Variants in HP observed in about 807,000 individuals in gnomAD.
HP encodes haptoglobin.
In HP, 9 loss-of-function variants were observed where a neutral mutation model predicts 23.2. The ratio of observed to expected loss-of-function variants is 0.39; its 90% CI spans 0.23 to 0.68. The LOEUF is 0.68. Ranked by LOEUF, HP falls within the 30% of genes least tolerant of loss-of-function variation. The pLI is 0.47. For synonymous variants in HP, 155 were observed against 183.3 expected (o/e 0.85, Z 1.25); for missense variants, 433 against 483.6 (o/e 0.90, Z 0.98).
intron 6 of HP, chr16:72,059,437 G>A: frequency 1.6e-6 from 1 of 609,100 alleles, no homozygotes; most frequent in South Asian, 2.1e-5. Context: ...GATTAGGAGA[G>A]CCTGTGCATA....
At chr16:72,059,008 TC>T in intron 5 of HP, 105 bp from the exon 6 acceptor site, 3 of 1,196,878 alleles carry the variant, frequency 2.5e-6, no homozygotes, top group East Asian at 2.4e-5. Flanking sequence ...TTCCTTTTTG[TC>T]CCCTTTTCCT....
intron 1 of HP, chr16:72,055,812 T>C: frequency 8.3e-6 from 3 of 361,130 alleles, no homozygotes; most frequent in South Asian, 6.6e-5. Context: ...AGGGCTCCTG[T>C]ATTATTGCCA....
intron 1 of HP, chr16:72,055,020 T>A: frequency 2.3e-6 from 1 of 431,064 alleles, no homozygotes; most frequent in Non-Finnish European, 4.2e-6. Flanking sequence ...GTAACACATT[T>A]GAATGACACA....
In HP at chr16:72,060,638, A is replaced by G. The variant is rs778812264; in HGVS notation, c.969A>G (p.Thr323=). 4.3e-6 allele frequency: 7 copies of G among 1,614,214 alleles called. No individual in the cohort carries two copies. In the Admixed American group the frequency reaches 8.3e-5, roughly 19 times the overall value. ...GCAGCACAGTCCCCGAAAAGAAGAC[A>G]CCGAAGAGCCCTGTAGGGGTGCAGC... ...YEGSTVPEKK[T]PKSPVGVQPI... The change falls in exon 7 of 7, where the codon ACA becomes ACG. Residue 323 remains threonine, a synonymous_variant. Transcript: ENST00000355906.
intron 1 of HP, chr16:72,054,941 C>T: frequency 5.0e-6 from 3 of 595,328 alleles, no homozygotes; most frequent in South Asian, 4.2e-5. Flanking sequence ...GGTAGGCTTC[C>T]TGGCATCCTG....
At position 72,060,983 on chromosome 16, in the gene HP, G is replaced by C. The variant is rs2041537799; in HGVS notation, c.*93G>C. 4 of 1,446,160 alleles carry C rather than the reference G, an allele frequency of 2.8e-6. No individual in the cohort carries two copies. Among genetic ancestry groups the C allele is most frequent in the Non-Finnish European group, 3.7e-6 (4 of 1,079,150 alleles). 89.6% of individuals were successfully genotyped at this position (1,446,160 alleles called of 1,614,324 possible). ...GAGTGGACAGGAGTGGATGCGATAAGATGTGGTTTGAAGCTGATGGGTGCC... is the reference window on the plus strand; with the variant it reads ...GAGTGGACAGGAGTGGATGCGATAACATGTGGTTTGAAGCTGATGGGTGCC... On this transcript the variant is annotated 3_prime_UTR_variant, in exon 7 of 7. Transcript: ENST00000355906.
In HP at chr16:72,056,153, C is replaced by G. The variant is rs78413891; in HGVS notation, c.6-8C>G. The G allele has an allele frequency of 1.4e-4, 218 of 1,613,640 alleles. No homozygotes were observed. In the African/African-American group the frequency reaches 2.7e-3, roughly 20 times the overall value. On this transcript the variant is annotated splice_polypyrimidine_tract_variant and splice_region_variant and intron_variant, in intron 1 of 6. Transcript: ENST00000355906. ...AGCTTTCCACTCCTCCTTGTCTTCT[C>G]TCTGCAGTGCCCTGGGAGCTGTCAT... is the stretch of plus-strand genomic sequence containing the variant.
intron 4 of HP, chr16:72,057,898 A>C: frequency 2.9e-6 from 1 of 346,954 alleles, no homozygotes; most frequent in East Asian, 5.5e-5. Flanking sequence ...CTCTCCTTTC[A>C]TTCTCAGAAC....
chr16:72,056,243 G>C lies in HP; in HGVS notation c.88G>C (p.Asp30His). 6.2e-7 allele frequency: 1 copy of C among 1,613,898 alleles called. No homozygotes were observed. The highest frequency in any genetic ancestry group is 8.5e-7 in the Non-Finnish European group (1 of 1,179,854). Residue 30 changes from aspartate (D) to histidine (H), a missense_variant and splice_region_variant, in exon 2 of 7, where the codon GAT becomes CAT. By Grantham distance (81) the Asp-to-His change is moderately conservative. Transcript: ENST00000355906. ...DSGNDVTDIADDGCPKPPEIA... is the reference protein window; with the variant it reads ...DSGNDVTDIAHDGCPKPPEIA... ...AGGCAATGATGTCACGGATATCGCA[G>C]GTCAGTCTTTGGTTGGGTAGGAGTG...
chr16:72,059,281 A>C (rs2041502557), intron 6 of HP, 93 bp downstream of exon 6: 2 of 1,491,098 alleles, frequency 1.3e-6, no homozygotes, highest in East Asian at 4.5e-5. Context: ...TGAGCACACA[A>C]GAGCCAGGAG....
In HP at chr16:72,057,880, C is replaced by G. The variant is rs1286830412; in HGVS notation, c.266-374C>G. The G allele has an allele frequency of 5.9e-5, 20 of 340,504 alleles. 3 individuals are homozygous for G. In the Admixed American group the frequency reaches 9.8e-4, roughly 17 times the overall value. 21.1% of individuals were successfully genotyped at this position (340,504 alleles called of 1,614,324 possible). On this transcript the variant is annotated intron_variant, in intron 4 of 6. Coordinates refer to ENST00000355906, the MANE Select transcript of HP (RefSeq NM_005143.5). ...TCCTGCTTCTCGTTATTAGGAGGAG[C>G]TGTTGCTCTCTCCTTTCATTCTCAG... is the stretch of plus-strand genomic sequence containing the variant.
In HP at chr16:72,058,438, C is replaced by T. The variant is rs369932804; in HGVS notation, c.367+83C>T. 5.5e-4 allele frequency: 208 copies of T among 377,678 alleles called. 11 individuals carry two copies. The highest frequency in any genetic ancestry group is 1.5e-3 in the South Asian group (66 of 44,114). 23.4% of individuals were successfully genotyped at this position (377,678 alleles called of 1,614,324 possible). On this transcript the variant is annotated intron_variant, in intron 5 of 6. Coordinates refer to ENST00000355906, the MANE Select transcript of HP (RefSeq NM_005143.5). ...CATGATGGGTGGTGCTGAGGTGATT[C>T]GCCAGAAAGTTCGTTGCTCTCCTTG...
At chr16:72,056,388 G>T (rs1320854747) in intron 2 of HP, 142 bp from the exon 3 acceptor site, 1 of 1,572,398 alleles carries the variant, frequency 6.4e-7, no homozygotes, top group East Asian at 2.3e-5. Flanking sequence ...TGCCAGAAAT[G>T]AGGGGAGCTT....
At position 72,054,629 on chromosome 16, in the gene HP, C is replaced by T; in HGVS notation, c.-24C>T. 6.2e-7 allele frequency: 1 copy of T among 1,610,650 alleles called. No homozygotes were observed. The highest frequency in any genetic ancestry group is 8.5e-7 in the Non-Finnish European group (1 of 1,178,236). On this transcript the variant is annotated 5_prime_UTR_variant, in exon 1 of 7. Coordinates refer to ENST00000355906, the MANE Select transcript of HP (RefSeq NM_005143.5). ...CCAGCAGATGCCCCACAGCACTGCT[C>T]TTCCAGAGGCAAGACCAACCAAGAT...
intron 2 of HP, 136 bp downstream of exon 2, chr16:72,056,379 G>T (rs927708093): frequency 1.3e-6 from 2 of 1,567,404 alleles, no homozygotes; most frequent in African/African-American, 1.4e-5. Flanking sequence ...TGGGGTTCCT[G>T]CCAGAAATGA....
At chr16:72,057,620 C>A in intron 4 of HP, 154 bp downstream of exon 4, 1 of 716,206 alleles carries the variant, frequency 1.4e-6, no homozygotes, top group South Asian at 1.7e-5. Context: ...GAGACTTAAG[C>A]AGTTAGGTGA....
rs1481072868 is a variant in HP, at chr16:72,056,247, A to T, written c.88+4A>T. 1 of 1,613,692 alleles carries T rather than the reference A, an allele frequency of 6.2e-7. No homozygotes were observed. The highest frequency in any genetic ancestry group is 1.7e-5 in the Admixed American group (1 of 60,006). ...AATGATGTCACGGATATCGCAGGTC[A>T]GTCTTTGGTTGGGTAGGAGTGTGCA... On this transcript the variant is annotated splice_donor_region_variant and intron_variant, in intron 2 of 6. Coordinates refer to ENST00000355906, the MANE Select transcript of HP (RefSeq NM_005143.5).
Position 72,060,322 on chromosome 16 carries a change from C to T in HP, c.653C>T (p.Ala218Val), listed in dbSNP as rs142130323. ...HSENATAKDI[A>V]PTLTLYVGKK... ...GAAAATGCAACAGCGAAAGACATTG[C>T]CCCTACTTTAACACTCTATGTGGGG... Residue 218 changes from alanine (A) to valine (V), a missense_variant, in exon 7 of 7, where the codon GCC becomes GTC. Ala to Val is a moderately conservative substitution (Grantham distance 64). Around this residue, in one of 3 missense-constraint regions of HP, gnomAD observed 326 missense variants for 358.1 expected, o/e 0.91. Transcript: ENST00000355906. 2.4e-5 allele frequency: 39 copies of T among 1,613,994 alleles called. No individual in the cohort carries two copies. In the Middle Eastern group the frequency reaches 4.9e-4, roughly 20 times the overall value.
intron 5 of HP, among the ~76,000 whole-genome samples, 153 bp from the exon 6 acceptor site, chr16:72,058,961 T>G (rs1025384614): frequency 7.8e-5 from 11 of 141,480 alleles, no homozygotes; most frequent in Non-Finnish European, 1.5e-4. Flanking sequence ...CAGCACTCTT[T>G]CCCTTCCTCC....
Sources: gnomAD v4.1 joint callset for allele counts (sites outside exome capture counted in the v4.1 genomes callset) on GRCh38, gnomAD v4.1.1 for gene constraint, gnomAD v4.1.1 regional missense constraint, MANE v1.5 for transcripts, NCBI Gene and HGNC (gene_info 2026-07-23, HGNC 2026-07-21) for gene names.